Variants in CLYBL observed in about 807,000 individuals in gnomAD.
CLYBL encodes the protein citramalyl-CoA lyase.
A neutral mutation model predicts 38.9 loss-of-function variants in CLYBL; 31 were observed. That is an observed-to-expected ratio of 0.80 (90% CI 0.60 to 1.08). The LOEUF (loss-of-function observed/expected upper bound fraction) is 1.08. Among genes scored for constraint, CLYBL ranks in the 50% least tolerant of loss-of-function variants. The pLI is 0.00. For synonymous variants in CLYBL, 171 were observed against 158.6 expected (o/e 1.08, Z -0.59); for missense variants, 434 against 411.6 (o/e 1.05, Z -0.47).
intron 1 of CLYBL, among the ~76,000 whole-genome samples, chr13:99,707,100 A>C (rs1298567707): frequency 6.6e-6 from 1 of 152,180 alleles, no homozygotes; most frequent in Non-Finnish European, 1.5e-5. Context: ...ACTATCTGGA[A>C]TGACTTTCAC....
At chr13:99,633,067 CT>C (rs777117095) in intron 1 of CLYBL, among the ~76,000 whole-genome samples, 2 of 151,948 alleles carry the variant, frequency 1.3e-5, no homozygotes, top group Admixed American at 6.6e-5. Context: ...TGGCAAAACC[CT>C]GTCTCTAACT....
At chr13:99,903,155 T>C (rs550455850) in intron 8 of CLYBL, among the ~76,000 whole-genome samples, 1 of 152,274 alleles carries the variant, frequency 6.6e-6, no homozygotes, top group East Asian at 1.9e-4. Flanking sequence ...ATAAAAACCA[T>C]CTCCAAAGTT....
intron 1 of CLYBL, among the ~76,000 whole-genome samples, chr13:99,768,181 C>CT (rs2049305831): frequency 9.2e-6 from 1 of 108,926 alleles, no homozygotes; most frequent in Admixed American, 1.1e-4. Flanking sequence ...CTCCTCAAGT[C>CT]TTTTCTTTTT....
intron 2 of CLYBL, among the ~76,000 whole-genome samples, chr13:99,850,326 G>A (rs1170005850): frequency 6.6e-6 from 1 of 152,060 alleles, no homozygotes; most frequent in African/African-American, 2.4e-5. Context: ...AAGACAAACA[G>A]GCCTGTTTAA....
intron 2 of CLYBL, among the ~76,000 whole-genome samples, chr13:99,778,441 T>G (rs2049567942): frequency 6.6e-6 from 1 of 152,222 alleles, no homozygotes; most frequent in Non-Finnish European, 1.5e-5. Context: ...TATATCTCAT[T>G]TTTTTATTAA....
rs2047139273 is a variant in CLYBL, at chr13:99,644,159, TATGTGGTGTATGTATGTAC to T, written c.62+37408_62+37426del. 2.8e-5 allele frequency among the ~76,000 whole-genome samples: 4 copies of T among 141,924 alleles called. No homozygotes were observed. In the South Asian group the frequency reaches 7.2e-4, roughly 26 times the overall value. 93.1% of individuals were successfully genotyped at this position (141,924 alleles called of 152,430 possible). A position where few individuals can be genotyped will look rare whatever the true frequency, so the allele number is the denominator to read the frequency against. ...TATGTATATGTGGTGTATGTATGTA[TATGTGGTGTATGTATGTAC>T]ATGTGTATGTATGTATATGTGGTGT... On this transcript the variant is annotated intron_variant, in intron 1 of 8. Coordinates refer to ENST00000339105, the MANE Select transcript of CLYBL (RefSeq NM_206808.5).
intron 1 of CLYBL, among the ~76,000 whole-genome samples, chr13:99,737,203 G>A (rs1490638704): frequency 6.8e-6 from 1 of 147,064 alleles, no homozygotes; most frequent in Admixed American, 6.8e-5. Flanking sequence ...CAGCTCCCCG[G>A]TCCCCCTGTA....
chr13:99,749,289 T>C (rs1431057630), intron 1 of CLYBL, among the ~76,000 whole-genome samples: 1 of 152,188 alleles, frequency 6.6e-6, no homozygotes, highest in East Asian at 1.9e-4. Context: ...TACGCTGCAG[T>C]GAGACAGTAT....
chr13:99,833,007 C>CACATATATATATATATATAT (rs1555314794), intron 2 of CLYBL, among the ~76,000 whole-genome samples: 1 of 51,574 alleles, frequency 1.9e-5, no homozygotes, highest in African/African-American at 7.7e-5. Context: ...TACATACATA[C>CACATATATATATATATATAT]ATATATATAT....
intron 1 of CLYBL, among the ~76,000 whole-genome samples, chr13:99,720,636 G>A (rs1460836783): frequency 2.6e-5 from 4 of 152,066 alleles, no homozygotes; most frequent in Non-Finnish European, 5.9e-5. Flanking sequence ...GCTTAGTTGC[G>A]TTCAAGGCTA....
intron 2 of CLYBL, among the ~76,000 whole-genome samples, chr13:99,779,413 T>A (rs1372951591): frequency 6.6e-6 from 1 of 152,180 alleles, no homozygotes; most frequent in African/African-American, 2.4e-5. Flanking sequence ...GTGCAGGGAT[T>A]ACAGGCGCGA....
chr13:99,753,007 G>T (rs560888421), intron 1 of CLYBL, among the ~76,000 whole-genome samples: 29 of 152,240 alleles, frequency 1.9e-4, no homozygotes, highest in African/African-American at 6.7e-4. Flanking sequence ...TCCCAGGAGG[G>T]GGCATGGGGA....
At chr13:99,698,444 C>T (rs2048012584) in intron 1 of CLYBL, among the ~76,000 whole-genome samples, 1 of 151,966 alleles carries the variant, frequency 6.6e-6, no homozygotes, top group African/African-American at 2.4e-5. Context: ...GAATTACGTT[C>T]AAGCTATAAG....
intron 1 of CLYBL, among the ~76,000 whole-genome samples, chr13:99,721,526 G>A (rs918065320): frequency 1.6e-4 from 24 of 150,816 alleles, no homozygotes; most frequent in East Asian, 1.9e-4. Flanking sequence ...TGTGCACAAC[G>A]TGCAGGTTTG....
chr13:99,903,390 A>G (rs1317755939), intron 8 of CLYBL, among the ~76,000 whole-genome samples: 1 of 150,736 alleles, frequency 6.6e-6, no homozygotes, highest in Non-Finnish European at 1.5e-5. Context: ...ACGCACGCAC[A>G]CTGACACACA....
At chr13:99,762,639 T>A (rs1259763300) in intron 1 of CLYBL, among the ~76,000 whole-genome samples, 1 of 152,242 alleles carries the variant, frequency 6.6e-6, no homozygotes, top group African/African-American at 2.4e-5. Context: ...TCAGGATTGC[T>A]TTGACTATTC....
At chr13:99,712,038 A>G (rs2048242050) in intron 1 of CLYBL, among the ~76,000 whole-genome samples, 1 of 152,136 alleles carries the variant, frequency 6.6e-6, no homozygotes, top group South Asian at 2.1e-4. Context: ...TTCATTTATG[A>G]GAGCTCAGTC....
chr13:99,726,485 G>T (rs542258996), intron 1 of CLYBL: 7 of 152,298 alleles, frequency 4.6e-5, no homozygotes, highest in Admixed American at 3.3e-4. Context: ...AACTGAAATT[G>T]TGTGATTGAT....
At chr13:99,767,917 T>C (rs1000769852) in intron 1 of CLYBL, among the ~76,000 whole-genome samples, 1 of 152,236 alleles carries the variant, frequency 6.6e-6, no homozygotes, top group African/African-American at 2.4e-5. Context: ...TTAAAGTCTT[T>C]GCCATCAGGT....
Sources: allele counts gnomAD v4.1 joint callset (sites outside exome capture counted in the v4.1 genomes callset), GRCh38; gene constraint gnomAD v4.1.1; transcripts MANE v1.5; gene names NCBI Gene and HGNC (gene_info 2026-07-23, HGNC 2026-07-21).